Variants in CD109 observed in about 807,000 individuals in gnomAD.
CD109 encodes CD109 antigen.
Under a neutral mutation model 165.8 loss-of-function variants are expected in CD109, and 149 were observed. The ratio of observed to expected loss-of-function variants is 0.90; its 90% CI spans 0.79 to 1.03. The LOEUF is 1.03. Ranked by LOEUF, CD109 falls within the 50% of genes least tolerant of loss-of-function variation. The probability of loss-of-function intolerance (pLI) is 0.00; values close to 1 mark genes in which losing one functional copy is unlikely to be tolerated. For missense variants in CD109, 1,712 were observed against 1,677.8 expected, an observed-to-expected ratio of 1.02 and a Z score of -0.36; for synonymous variants, 585 against 592.1, an observed-to-expected ratio of 0.99 and a Z score of 0.18.
rs36173181 is a variant in CD109 at position 73,776,984 on chromosome 6, AT to A, written c.1828-3420del. ...AAGTGTCTGTTCATATCCTTTGCCC[AT>A]TTTTTTTTTTTTTTTTTTTGAGATG... On this transcript the variant is annotated intron_variant, in intron 15 of 32. Transcript: ENST00000287097. Among the ~76,000 whole-genome samples the A allele has an allele frequency of 9.7e-3, 1,000 of 102,902 alleles. 4 individuals are homozygous for A. The highest frequency in any genetic ancestry group is 0.029 in the African/African-American group (732 of 25,312). 67.5% of individuals were successfully genotyped at this position (102,902 alleles called of 152,430 possible).
intron 23 of CD109, among the ~76,000 whole-genome samples, chr6:73,801,145 A>T (rs2150284480): frequency 1.3e-5 from 2 of 152,268 alleles, no homozygotes; most frequent in East Asian, 3.9e-4. Context: ...GAGCTCTGTG[A>T]TTTACTAGGA....
chr6:73,703,334 G>A (rs1771149021), intron 2 of CD109, among the ~76,000 whole-genome samples: 1 of 152,210 alleles, frequency 6.6e-6, no homozygotes, highest in Admixed American at 6.5e-5. Flanking sequence ...AATTTGAATC[G>A]AAAGAATTAC....
chr6:73,707,759 T>C (rs936190677), intron 2 of CD109, among the ~76,000 whole-genome samples: 4 of 151,990 alleles, frequency 2.6e-5, no homozygotes, highest in Non-Finnish European at 5.9e-5. Context: ...AGAAATGCAA[T>C]AAAACTTATG....
At chr6:73,702,687 G>A (rs1337115871) in intron 2 of CD109, among the ~76,000 whole-genome samples, 1 of 152,162 alleles carries the variant, frequency 6.6e-6, no homozygotes, top group African/African-American at 2.4e-5. Flanking sequence ...TCCACTTAGT[G>A]GTTGTGTGGC....
At chr6:73,740,791 A>G (rs927439685) in intron 5 of CD109, among the ~76,000 whole-genome samples, 11 of 151,618 alleles carry the variant, frequency 7.3e-5, no homozygotes, top group African/African-American at 2.7e-4. Flanking sequence ...CGGTTTCATC[A>G]TGTTGGCCAG....
At chr6:73,746,656 A>G (rs1772994784) in intron 5 of CD109, among the ~76,000 whole-genome samples, 1 of 152,076 alleles carries the variant, frequency 6.6e-6, no homozygotes, top group African/African-American at 2.4e-5. Context: ...TTTGTACTGC[A>G]GATGGTAACA....
At chr6:73,761,912 A>G (rs1049311937) in intron 7 of CD109, among the ~76,000 whole-genome samples, 2 of 151,724 alleles carry the variant, frequency 1.3e-5, no homozygotes, top group African/African-American at 2.4e-5. Flanking sequence ...TTCTTTTTAA[A>G]ATTTTCTCTT....
At position 73,740,306 on chromosome 6, in the gene CD109, C is replaced by T. The variant is rs147741876; in HGVS notation, c.633+3798C>T. Among the ~76,000 whole-genome samples the T allele has an allele frequency of 1.8e-4, 28 of 152,272 alleles. No homozygotes were observed. In the East Asian group the frequency reaches 3.9e-3, roughly 21 times the overall value. The stretch of plus-strand genomic sequence containing the variant: ...AGAGCTTTGATTTGTAATGACTATA[C>T]AGGTAATCAGAAAGTGGTATTCTTC... On this transcript the variant is annotated intron_variant, in intron 5 of 32. Coordinates refer to ENST00000287097, the MANE Select transcript of CD109 (RefSeq NM_133493.5).
chr6:73,750,955 A>G (rs556609607), intron 5 of CD109, among the ~76,000 whole-genome samples: 1 of 104,684 alleles, frequency 9.6e-6, no homozygotes, highest in East Asian at 2.9e-4. Context: ...TTACTTTCAT[A>G]TACACAGTCT....
chr6:73,806,191 G>A (rs1368906929), intron 24 of CD109, among the ~76,000 whole-genome samples: 2 of 152,134 alleles, frequency 1.3e-5, no homozygotes, highest in Admixed American at 1.3e-4. Context: ...CATAAAAAAG[G>A]ATGAGTTCAT....
intron 15 of CD109, among the ~76,000 whole-genome samples, chr6:73,774,883 C>T (rs1482756209): frequency 6.6e-6 from 1 of 151,550 alleles, no homozygotes; most frequent in Admixed American, 6.6e-5. Flanking sequence ...TTTATTGTTT[C>T]TCCAGTTGGT....
intron 22 of CD109, among the ~76,000 whole-genome samples, chr6:73,791,164 T>C (rs80066841): frequency 0.036 from 2,290 of 63,530 alleles, 150 homozygotes; most frequent in African/African-American, 0.073. Context: ...TATATATATA[T>C]ATATATATAT....
At chr6:73,760,446 G>T (rs1033183708) in intron 7 of CD109, among the ~76,000 whole-genome samples, 2 of 146,524 alleles carry the variant, frequency 1.4e-5, no homozygotes, top group African/African-American at 5.0e-5. Context: ...AGCCTTTCTG[G>T]CAGTAAAATG....
chr6:73,753,290 T>A (rs139492161), intron 5 of CD109, among the ~76,000 whole-genome samples: 91 of 152,330 alleles, frequency 6.0e-4, no homozygotes, highest in African/African-American at 2.1e-3. Flanking sequence ...TTAATGAAAG[T>A]ACTCAGTATC....
In CD109 at chr6:73,763,528, G is replaced by T. The variant is rs41265531; in HGVS notation, c.998-48G>T. 183 of 1,060,088 alleles carry T rather than the reference G, an allele frequency of 1.7e-4. No individual in the cohort carries two copies. The African/African-American group carries it at 2.3e-3, about 13-fold the overall frequency. The allele number at this position is 1,060,088 out of a possible 1,614,324, so 65.7% of individuals were successfully genotyped here. A position where few individuals can be genotyped will look rare whatever the true frequency, so the allele number is the denominator to read the frequency against. On this transcript the variant is annotated intron_variant, in intron 9 of 32. Transcript: ENST00000287097. The stretch of plus-strand genomic sequence containing the variant: ...GAGAGATTTGGTGGATAGAAGCTTT[G>T]GGTGAAACATTACTTTTGCTTTCTA...
At chr6:73,697,290 G>GCAATTGGC (rs1770879545) in intron 1 of CD109, 110 bp from the exon 2 acceptor site, 1 of 884,050 alleles carries the variant, frequency 1.1e-6, no homozygotes, top group Admixed American at 2.5e-5. Flanking sequence ...GGAAACAACT[G>GCAATTGGC]CAATTGGCGC....
chr6:73,704,687 T>C (rs984211670), intron 2 of CD109, among the ~76,000 whole-genome samples: 7 of 152,210 alleles, frequency 4.6e-5, no homozygotes, highest in African/African-American at 1.7e-4. Flanking sequence ...TGAAACTAGT[T>C]GTTTCCCCAC....
intron 5 of CD109, among the ~76,000 whole-genome samples, chr6:73,745,549 G>A (rs752615808): frequency 2.6e-5 from 4 of 152,146 alleles, no homozygotes; most frequent in Non-Finnish European, 4.4e-5. Flanking sequence ...ACGTTGGATT[G>A]TTCCCAACGT....
intron 7 of CD109, among the ~76,000 whole-genome samples, chr6:73,759,841 G>A (rs1307064452): frequency 6.6e-6 from 1 of 151,918 alleles, no homozygotes; most frequent in Middle Eastern, 3.4e-3. Flanking sequence ...TGCTAACCAG[G>A]GTTTCCACTG....
Sources: allele counts gnomAD v4.1 joint callset (sites outside exome capture counted in the v4.1 genomes callset), GRCh38; gene constraint gnomAD v4.1.1; transcripts MANE v1.5; gene names NCBI Gene and HGNC (gene_info 2026-07-23, HGNC 2026-07-21).